The following STK40 variants were observed in gnomAD, a reference collection of about 807,000 sequenced individuals.
STK40 encodes serine/threonine kinase 40.
A neutral mutation model predicts 47.9 loss-of-function variants in STK40; 13 were observed. The ratio of observed to expected loss-of-function variants is 0.27; its 90% CI spans 0.18 to 0.43. The LOEUF is 0.43. Ranked by LOEUF, STK40 falls within the 20% of genes least tolerant of loss-of-function variation. The pLI is 1.00. For synonymous variants in STK40, 225 were observed against 243.2 expected (o/e 0.93, Z 0.69); for missense variants, 460 against 595.1 (o/e 0.77, Z 2.36).
rs553621652 is a variant in STK40, at chr1:36,359,028, C to T, written c.113-206G>A. ...GGGTATGTGTGCTCTGCCTGGAGCA[C>T]ATCCAGCTTTTGCAAACACATTTCC... is the stretch of plus-strand genomic sequence containing the variant. On this transcript the variant is annotated intron_variant, in intron 2 of 10. Transcript: ENST00000373132. Among the ~76,000 whole-genome samples, 18 of 152,348 alleles carry T rather than the reference C, an allele frequency of 1.2e-4. No individual in the cohort carries two copies. The South Asian group carries it at 1.9e-3, about 16-fold the overall frequency.
At chr1:36,371,992 G>A (rs893771638) in intron 1 of STK40, among the ~76,000 whole-genome samples, 3 of 152,116 alleles carry the variant, frequency 2.0e-5, no homozygotes, top group South Asian at 2.1e-4. Flanking sequence ...GCAAGACTCC[G>A]TCTCAAAAAA....
intron 1 of STK40, among the ~76,000 whole-genome samples, chr1:36,366,796 G>A (rs370320448): frequency 2.0e-5 from 3 of 151,936 alleles, no homozygotes; most frequent in African/African-American, 4.8e-5. Context: ...AGCAGTCTCC[G>A]GAGCTTTGAA....
intron 10 of STK40, chr1:36,342,336 G>T (rs1646657127): frequency 3.4e-6 from 1 of 295,264 alleles, no homozygotes; most frequent in Admixed American, 4.8e-5. Flanking sequence ...GTACGAGCAA[G>T]CCCTGGGCTG....
intron 4 of STK40, 121 bp downstream of exon 4, chr1:36,358,118 C>T: frequency 1.0e-5 from 13 of 1,288,040 alleles, no homozygotes; most frequent in South Asian, 2.0e-5. Flanking sequence ...CCTGATGTAC[C>T]TAGCATGGCA....
intron 1 of STK40, among the ~76,000 whole-genome samples, chr1:36,379,197 G>A (rs954371526): frequency 3.9e-5 from 6 of 152,172 alleles, no homozygotes; most frequent in African/African-American, 1.4e-4. Context: ...AGGTGGCAGT[G>A]TGTAAACATA....
intron 6 of STK40, among the ~76,000 whole-genome samples, chr1:36,349,563 C>T (rs1040739648): frequency 1.3e-5 from 2 of 152,194 alleles, no homozygotes; most frequent in East Asian, 1.9e-4. Flanking sequence ...CCCCAGGCCC[C>T]GAATGACTTT....
At position 36,341,677 on chromosome 1, in the gene STK40, G is replaced by C. The variant is rs961774570; in HGVS notation, c.*78C>G. ...TGGCCCGGGAGAGTCCAGCACTACA[G>C]GGCCCAGCCCTGACAGCCACGCCTT... On this transcript the variant is annotated 3_prime_UTR_variant, in exon 11 of 11. Coordinates refer to ENST00000373132, the MANE Select transcript of STK40 (RefSeq NM_001282547.2). The C allele has an allele frequency of 6.4e-6, 10 of 1,554,190 alleles. No individual in the cohort carries two copies. The highest frequency in any genetic ancestry group is 8.8e-6 in the Non-Finnish European group (10 of 1,139,160).
chr1:36,371,996 CA>C (rs971332739), intron 1 of STK40, among the ~76,000 whole-genome samples: 1 of 151,860 alleles, frequency 6.6e-6, no homozygotes, highest in African/African-American at 2.4e-5. Flanking sequence ...GACTCCGTCT[CA>C]AAAAAAGAAA....
chr1:36,353,419 C>G (rs1298814070), intron 6 of STK40, among the ~76,000 whole-genome samples: 1 of 152,146 alleles, frequency 6.6e-6, no homozygotes, highest in Non-Finnish European at 1.5e-5. Flanking sequence ...AGGCCCAGGA[C>G]CCTCTGTCGA....
intron 10 of STK40, 132 bp from the exon 11 acceptor site, chr1:36,342,105 C>G (rs1646654653): frequency 1.2e-6 from 1 of 867,564 alleles, no homozygotes; most frequent in African/African-American, 1.7e-5. Context: ...CACCCTCAGG[C>G]CTCAAGGCCG....
In STK40 at chr1:36,361,289, G is replaced by A; in HGVS notation, c.44C>T (p.Ala15Val). The A allele has an allele frequency of 1.2e-6, 2 of 1,614,202 alleles. No homozygotes were observed. The highest frequency in any genetic ancestry group is 1.7e-6 in the Non-Finnish European group (2 of 1,180,036). ...CCCACTTCCTAGAGCCTTGGCCCTGGCCGACGTTTCCCCAGCTCCTCTGTC... is the reference window on the plus strand; with the variant it reads ...CCCACTTCCTAGAGCCTTGGCCCTGACCGACGTTTCCCCAGCTCCTCTGTC... ...ASDRGAGETS[A>V]RAKALGSGIS... The change falls in exon 2 of 11, where the codon GCC (alanine) becomes GTC (valine). Residue 15 changes from alanine (A) to valine (V), a missense_variant. Physicochemically the swap from Ala to Val is moderately conservative, Grantham distance 64. Coordinates refer to ENST00000373132, the MANE Select transcript of STK40 (RefSeq NM_001282547.2).
chr1:36,346,796 T>G (rs1253757453), intron 7 of STK40, among the ~76,000 whole-genome samples: 1 of 152,208 alleles, frequency 6.6e-6, no homozygotes, highest in African/African-American at 2.4e-5. Flanking sequence ...TGAAGGCCAC[T>G]CTAGGCTGGT....
rs369195243 is a variant in STK40, at chr1:36,355,310, G to C, written c.466C>G (p.Leu156Val). 6 of 1,614,034 alleles carry C rather than the reference G, an allele frequency of 3.7e-6. No individual in the cohort carries two copies. In the African/African-American group the frequency reaches 8.0e-5, roughly 22 times the overall value. Reference sequence around the variant, plus strand: ...ATGACGTAGTGCTGCAGGTTGATGAGGTCAGCGGTCTTATCGCTGAAGTCA... The same window carrying C: ...ATGACGTAGTGCTGCAGGTTGATGACGTCAGCGGTCTTATCGCTGAAGTCA... ...AHDFSDKTADLINLQHYVIKE... is the reference protein window; with the variant it reads ...AHDFSDKTADVINLQHYVIKE... Residue 156 changes from leucine (L) to valine (V), a missense_variant, in exon 5 of 11, where the codon CTC becomes GTC. Coordinates refer to ENST00000373132, the MANE Select transcript of STK40 (RefSeq NM_001282547.2).
At chr1:36,347,683 C>T (rs1410213112) in intron 7 of STK40, among the ~76,000 whole-genome samples, 4 of 147,784 alleles carry the variant, frequency 2.7e-5, no homozygotes, top group African/African-American at 5.0e-5. Flanking sequence ...GATGGAGTCT[C>T]GCTCTGTTGC....
chr1:36,354,068 T>C (rs760217680), intron 6 of STK40, among the ~76,000 whole-genome samples: 4 of 152,182 alleles, frequency 2.6e-5, no homozygotes, highest in Non-Finnish European at 5.9e-5. Flanking sequence ...CCTGACCATT[T>C]AGTCCATTTT....
intron 6 of STK40, among the ~76,000 whole-genome samples, chr1:36,352,518 C>G (rs1481949083): frequency 1.3e-5 from 2 of 152,172 alleles, no homozygotes; most frequent in African/African-American, 4.8e-5. Flanking sequence ...GAAGAAGTGG[C>G]ACTGGGAAGT....
intron 10 of STK40, chr1:36,342,865 G>C (rs2124723187): frequency 2.8e-6 from 1 of 354,346 alleles, no homozygotes; most frequent in East Asian, 6.9e-5. Context: ...CTGTTGCTCG[G>C]CCAAGCCCTG....
In STK40 at chr1:36,355,243, A is replaced by C. The variant is rs762467872; in HGVS notation, c.533T>G (p.Phe178Cys). The C allele has an allele frequency of 1.2e-6, 2 of 1,614,118 alleles. No individual in the cohort carries two copies. The highest frequency in any genetic ancestry group is 4.5e-5 in the East Asian group (2 of 44,862). Reference protein sequence around the residue: ...RLSERETVVIFYDVVRVVEAL... With the variant: ...RLSERETVVICYDVVRVVEAL... ...CTCCACCACGCGGACCACGTCGTAGAAGATTACCACAGTCTCCCTCTCGCT... is the reference window on the plus strand; with the variant it reads ...CTCCACCACGCGGACCACGTCGTAGCAGATTACCACAGTCTCCCTCTCGCT... The change falls in exon 5 of 11, where the codon TTC becomes TGC. Residue 178 changes from phenylalanine (F) to cysteine (C), a missense_variant. By Grantham distance (205) the Phe-to-Cys change is radical. Around this residue, in one of 3 missense-constraint regions of STK40, gnomAD observed 277 missense variants for 358.7 expected, o/e 0.77. Transcript: ENST00000373132.
intron 1 of STK40, among the ~76,000 whole-genome samples, chr1:36,368,886 C>T (rs1412944935): frequency 6.6e-6 from 1 of 152,164 alleles, no homozygotes; most frequent in South Asian, 2.1e-4. Context: ...TGCCCTTGTT[C>T]TTAGGTGATA....
Sources: allele counts gnomAD v4.1 joint callset (sites outside exome capture counted in the v4.1 genomes callset), GRCh38; gene constraint gnomAD v4.1.1; regional missense constraint gnomAD v4.1.1; transcripts MANE v1.5; gene names NCBI Gene and HGNC (gene_info 2026-07-23, HGNC 2026-07-21).